Variants in EDNRA observed in about 807,000 individuals in gnomAD.
EDNRA encodes endothelin-1 receptor.
Under a neutral mutation model 41.4 loss-of-function variants are expected in EDNRA, and 11 were observed. That is an observed-to-expected ratio of 0.27 (90% CI 0.17 to 0.44). The LOEUF is 0.44. Ranked by LOEUF, EDNRA falls within the 20% of genes least tolerant of loss-of-function variation. The pLI is 1.00. For missense variants in EDNRA, 294 were observed against 531.0 expected (o/e 0.55, Z 4.39); for synonymous variants, 172 against 183.0 (o/e 0.94, Z 0.49).
At chr4:147,493,006 C>T (rs1167098040) in intron 2 of EDNRA, 1 of 152,102 alleles carries the variant, frequency 6.6e-6, no homozygotes, top group Non-Finnish European at 1.5e-5. Flanking sequence ...GTTATTCCCG[C>T]GTCAGTGATG....
intron 2 of EDNRA, among the ~76,000 whole-genome samples, chr4:147,505,327 A>ATTTTTTTTTTTTTTTTTTTTTTT (rs869077171): frequency 1.3e-5 from 1 of 79,686 alleles, no homozygotes; most frequent in East Asian, 3.8e-4. Flanking sequence ...TTCTTTTTTC[A>ATTTTTTTTTTTTTTTTTTTTTTT]TTTTTTTTTT....
chr4:147,509,839 G>C (rs889689895), intron 2 of EDNRA, among the ~76,000 whole-genome samples: 1 of 151,998 alleles, frequency 6.6e-6, no homozygotes, highest in Non-Finnish European at 1.5e-5. Flanking sequence ...ATGGTGAGTT[G>C]TATAATTATT....
intron 5 of EDNRA, among the ~76,000 whole-genome samples, chr4:147,537,011 C>A (rs1279489425): frequency 5.9e-5 from 9 of 152,274 alleles, no homozygotes; most frequent in African/African-American, 2.2e-4. Context: ...TACATTAATT[C>A]TAAGAGGAAA....
intron 2 of EDNRA, among the ~76,000 whole-genome samples, chr4:147,508,984 AT>A (rs1476997127): frequency 6.6e-6 from 1 of 152,018 alleles, no homozygotes; most frequent in Non-Finnish European, 1.5e-5. Context: ...GTTTCCTTGG[AT>A]TTGGATAGGA....
intron 5 of EDNRA, among the ~76,000 whole-genome samples, chr4:147,537,862 C>G (rs184920223): frequency 1.9e-5 from 2 of 102,824 alleles, no homozygotes; most frequent in East Asian, 4.9e-4. Flanking sequence ...ATCCTAAGTA[C>G]AGAAGAGCAA....
At chr4:147,528,958 TG>T (rs1321772010) in intron 3 of EDNRA, among the ~76,000 whole-genome samples, 1 of 152,120 alleles carries the variant, frequency 6.6e-6, no homozygotes, top group Admixed American at 6.5e-5. Context: ...TGCTATGTTC[TG>T]ACGTAACAGC....
At chr4:147,538,006 T>A (rs896605768) in intron 5 of EDNRA, among the ~76,000 whole-genome samples, 3 of 152,188 alleles carry the variant, frequency 2.0e-5, no homozygotes, top group Non-Finnish European at 4.4e-5. Context: ...CTCCTCATCA[T>A]AATGATGACA....
intron 2 of EDNRA, among the ~76,000 whole-genome samples, chr4:147,505,553 G>T (rs1729676846): frequency 1.3e-5 from 2 of 150,760 alleles, no homozygotes; most frequent in African/African-American, 4.9e-5. Flanking sequence ...TGTTGGTTAG[G>T]CTGGTCTCGA....
In EDNRA at chr4:147,540,500, C is replaced by T; in HGVS notation, c.1143+15C>T. On this transcript the variant is annotated intron_variant, in intron 7 of 7. Transcript: ENST00000651419. ...ATTGTTTCCAGGTAAGATGATTTTT[C>T]AAGTATTTTTTAAAGACAACAAAAT... The T allele has an allele frequency of 2.5e-6, 4 of 1,573,052 alleles. No homozygotes were observed. The highest frequency in any genetic ancestry group is 3.5e-6 in the Non-Finnish European group (4 of 1,149,632).
chr4:147,530,270 A>G (rs979513520), intron 3 of EDNRA, among the ~76,000 whole-genome samples: 3 of 152,188 alleles, frequency 2.0e-5, no homozygotes, highest in African/African-American at 7.2e-5. Context: ...GAGAGAAGGG[A>G]AGAAGAAATA....
In EDNRA at chr4:147,523,483, T is replaced by TTTG. The variant is rs1560910716; in HGVS notation, c.548+3507_548+3508insGTT. On this transcript the variant is annotated intron_variant, in intron 3 of 7. Transcript: ENST00000651419. ...TTTGTTTTTTTTTGTTGTTGTTGTT[T>TTTG]TTTTGTTTTTTTTGTTTTTTTTTTT... 1.7e-3 allele frequency among the ~76,000 whole-genome samples: 183 copies of TTTG among 104,818 alleles called. 4 individuals are homozygous for TTTG. The highest frequency in any genetic ancestry group is 6.6e-3 in the African/African-American group (115 of 17,532). 68.8% of individuals were successfully genotyped at this position (104,818 alleles called of 152,430 possible).
At position 147,532,673 on chromosome 4, in the gene EDNRA, G is replaced by A; in HGVS notation, c.716G>A (p.Cys239Tyr). Reference sequence around the variant, plus strand: ...TATAGGGGTGAACAGCATAAAACCTGTATGCTCAATGCCACATCAAAATTC... The same window carrying A: ...TATAGGGGTGAACAGCATAAAACCTATATGCTCAATGCCACATCAAAATTC... ...FEYRGEQHKT[C>Y]MLNATSKFME... Residue 239 changes from cysteine to tyrosine, a missense_variant, in exon 4 of 8, where the codon TGT (cysteine) becomes TAT (tyrosine). Coordinates refer to ENST00000651419, the MANE Select transcript of EDNRA (RefSeq NM_001957.4). The A allele has an allele frequency of 1.9e-6, 3 of 1,614,064 alleles. No homozygotes were observed. The highest frequency in any genetic ancestry group is 2.5e-6 in the Non-Finnish European group (3 of 1,179,998).
rs1272041842 is a variant in EDNRA, at chr4:147,486,459, C to G, written c.420+358C>G. ...TTTCCAGAGTGAGAGCTACTAGGCC[C>G]AGAAAATACTTGAAACAAACATATC... On this transcript the variant is annotated intron_variant, in intron 2 of 7. Coordinates refer to ENST00000651419, the MANE Select transcript of EDNRA (RefSeq NM_001957.4). The surrounding 1 kb of genome is among the most constrained non-coding windows in gnomAD (Gnocchi z 4.3). Among the ~76,000 whole-genome samples the G allele has an allele frequency of 6.6e-6, 1 of 152,116 alleles. No homozygotes were observed. Among genetic ancestry groups the G allele is most frequent in the Non-Finnish European group, 1.5e-5 (1 of 68,022 alleles).
chr4:147,487,715 C>T (rs1480746980), intron 2 of EDNRA, among the ~76,000 whole-genome samples: 1 of 152,116 alleles, frequency 6.6e-6, no homozygotes, highest in Non-Finnish European at 1.5e-5. Context: ...ATAAAAACTT[C>T]CCAAAATTAC....
chr4:147,499,185 G>C (rs1343656221), intron 2 of EDNRA, among the ~76,000 whole-genome samples: 1 of 152,108 alleles, frequency 6.6e-6, no homozygotes, highest in Middle Eastern at 3.4e-3. Context: ...CCTCCCAAGT[G>C]GCTGGGACTA....
At chr4:147,533,282 T>C (rs1560916816) in intron 4 of EDNRA, among the ~76,000 whole-genome samples, 1 of 152,206 alleles carries the variant, frequency 6.6e-6, no homozygotes, top group Admixed American at 6.5e-5. Context: ...GTTTAACAAA[T>C]TCAGTTGTTG....
At chr4:147,535,756 A>C in intron 4 of EDNRA, 121 bp from the exon 5 acceptor site, 2 of 1,246,366 alleles carry the variant, frequency 1.6e-6, no homozygotes, top group Admixed American at 4.4e-5. Flanking sequence ...CTGCAACCAG[A>C]GAGCATGATT....
At chr4:147,518,711 A>G (rs1464692216) in intron 2 of EDNRA, among the ~76,000 whole-genome samples, 2 of 152,174 alleles carry the variant, frequency 1.3e-5, no homozygotes, top group African/African-American at 4.8e-5. Flanking sequence ...AAAGAAATTC[A>G]AAGCTTAGCT....
intron 5 of EDNRA, among the ~76,000 whole-genome samples, chr4:147,538,431 GTGA>G (rs1162948038): frequency 2.0e-5 from 3 of 152,178 alleles, no homozygotes; most frequent in African/African-American, 7.2e-5. Flanking sequence ...CAAGACCAGA[GTGA>G]TGGTAAGGAA....
Sources: allele counts gnomAD v4.1 joint callset (sites outside exome capture counted in the v4.1 genomes callset), GRCh38; gene constraint gnomAD v4.1.1; non-coding constraint Gnocchi (gnomAD v3.1); transcripts MANE v1.5; gene names NCBI Gene and HGNC (gene_info 2026-07-23, HGNC 2026-07-21).